The following MYO10 variants were observed in gnomAD, a reference collection of about 807,000 sequenced individuals.
MYO10 encodes the protein unconventional myosin-X.
Under a neutral mutation model 257.3 loss-of-function variants are expected in MYO10, and 133 were observed. The ratio of observed to expected loss-of-function variants is 0.52; its 90% CI spans 0.45 to 0.60. The LOEUF is 0.60. MYO10 is among the 20% of genes least tolerant of loss of function. The pLI, the probability that MYO10 is intolerant of heterozygous loss-of-function variation, is 0.00. For missense variants in MYO10, 2,399 were observed against 2,635.7 expected, an observed-to-expected ratio of 0.91 and a Z score of 1.97; for synonymous variants, 1,104 against 1,028.6, an observed-to-expected ratio of 1.07 and a Z score of -1.40.
chr5:16,864,476 T>C (rs902070986), intron 2 of MYO10, among the ~76,000 whole-genome samples: 2 of 152,160 alleles, frequency 1.3e-5, no homozygotes, highest in Non-Finnish European at 2.9e-5. Flanking sequence ...ATACACACCT[T>C]GTATTCAGAG....
chr5:16,774,444 C>T (rs1207564658), intron 9 of MYO10, among the ~76,000 whole-genome samples: 2 of 152,012 alleles, frequency 1.3e-5, no homozygotes, highest in East Asian at 1.9e-4. Context: ...TTTTTTGAGA[C>T]GGAGTCTCAC....
At chr5:16,897,164 T>TATTTG (rs1216406317) in intron 1 of MYO10, among the ~76,000 whole-genome samples, 2 of 152,196 alleles carry the variant, frequency 1.3e-5, no homozygotes, top group Non-Finnish European at 2.9e-5. Context: ...GCAATTCAAG[T>TATTTG]ATTTGTTTTG....
intron 3 of MYO10, among the ~76,000 whole-genome samples, chr5:16,802,762 A>T (rs1742158516): frequency 6.6e-6 from 1 of 152,234 alleles, no homozygotes; most frequent in Non-Finnish European, 1.5e-5. Flanking sequence ...AAGAGAGATT[A>T]AAAACAAGCA....
chr5:16,841,145 CA>C (rs76124360), intron 2 of MYO10, among the ~76,000 whole-genome samples: 3,031 of 94,376 alleles, frequency 0.032, 37 homozygotes, highest in Non-Finnish European at 0.046. Flanking sequence ...AAATGCATCT[CA>C]AAAAAAAAAA....
Position 16,911,241 on chromosome 5 carries a change from C to T in MYO10, c.21+24547G>A, listed in dbSNP as rs142649308. Among the ~76,000 whole-genome samples, 217 of 152,322 alleles carry T rather than the reference C, an allele frequency of 1.4e-3. 1 individual carries two copies. The highest frequency in any genetic ancestry group is 6.8e-3 in the Middle Eastern group (2 of 294). ...AGATACCACCCTCTCAAAACTACTT[C>T]ACAATAAATATTTTTTGGAAGCAAG... is the stretch of plus-strand genomic sequence containing the variant. On this transcript the variant is annotated intron_variant, in intron 1 of 40. Transcript: ENST00000513610.
At position 16,869,444 on chromosome 5, in the gene MYO10, T is replaced by C. The variant is rs573889536; in HGVS notation, c.120+8165A>G. On this transcript the variant is annotated intron_variant, in intron 2 of 40. Coordinates refer to ENST00000513610, the MANE Select transcript of MYO10 (RefSeq NM_012334.3). ...TCCAGAAAAAATTTTTCAGGCATGG[T>C]GCACCCCTGTAGTCCTAGCTACTCA... Among the ~76,000 whole-genome samples the C allele has an allele frequency of 7.0e-4, 106 of 152,046 alleles. No individual in the cohort carries two copies. The Middle Eastern group carries it at 0.01, about 15-fold the overall frequency.
At chr5:16,759,552 G>T (rs1009739195) in intron 17 of MYO10, among the ~76,000 whole-genome samples, 2 of 152,090 alleles carry the variant, frequency 1.3e-5, no homozygotes, top group Non-Finnish European at 2.9e-5. Context: ...CCAGCTCCTC[G>T]GTTTGCAAGG....
At position 16,681,977 on chromosome 5, in the gene MYO10, C is replaced by T. The variant is rs763607939; in HGVS notation, c.4083G>A (p.Val1361=). 4 of 1,613,754 alleles carry T rather than the reference C, an allele frequency of 2.5e-6. No individual in the cohort carries two copies. The Admixed American group carries it at 5.0e-5, about 20-fold the overall frequency. The change falls in exon 31 of 41, where the codon GTG becomes GTA. Residue 1361 remains valine, a synonymous_variant. Transcript: ENST00000513610. ...NSFVIITANR[V]LHCNADTPEE... ...CCGGCGTGTCGGCGTTGCAGTGCAGCACCCGGTTGGCCGTGATGATCACAA... is the reference window on the plus strand; with the variant it reads ...CCGGCGTGTCGGCGTTGCAGTGCAGTACCCGGTTGGCCGTGATGATCACAA...
At chr5:16,718,441 A>C (rs1016004679) in intron 19 of MYO10, among the ~76,000 whole-genome samples, 24 of 151,232 alleles carry the variant, frequency 1.6e-4, no homozygotes, top group Admixed American at 4.6e-4. Context: ...CGTGGAGAGT[A>C]TTTATATCTA....
At chr5:16,904,097 G>A (rs984368213) in intron 1 of MYO10, among the ~76,000 whole-genome samples, 2 of 142,736 alleles carry the variant, frequency 1.4e-5, no homozygotes, top group Non-Finnish European at 3.0e-5. Context: ...GCTGAAGGTT[G>A]ACCAGTAACC....
Position 16,807,492 on chromosome 5 carries a change from G to A in MYO10, c.279+10517C>T, listed in dbSNP as rs151027141. Among the ~76,000 whole-genome samples, 422 of 152,130 alleles carry A rather than the reference G, an allele frequency of 2.8e-3. 1 individual carries two copies. The highest frequency in any genetic ancestry group is 4.8e-3 in the Admixed American group (74 of 15,260). On this transcript the variant is annotated intron_variant, in intron 3 of 40. Transcript: ENST00000513610. ...ATCCACCACCCTGTGACCAAGTGAC[G>A]CTTCCCCAAAACGCATGCTTAAAGT... is the stretch of plus-strand genomic sequence containing the variant.
chr5:16,857,734 C>A (rs1295408292), intron 2 of MYO10, among the ~76,000 whole-genome samples: 19 of 152,194 alleles, frequency 1.2e-4, no homozygotes, highest in Non-Finnish European at 1.5e-5. Context: ...GAGCAAGGAA[C>A]CTCCTCTCAC....
At chr5:16,892,916 C>T (rs186801929) in intron 1 of MYO10, among the ~76,000 whole-genome samples, 7 of 152,150 alleles carry the variant, frequency 4.6e-5, no homozygotes, top group Non-Finnish European at 1.0e-4. Flanking sequence ...AACTTACAGG[C>T]CAGGCACGGT....
chr5:16,932,739 C>T (rs537696902), intron 1 of MYO10, among the ~76,000 whole-genome samples: 3 of 152,170 alleles, frequency 2.0e-5, no homozygotes, highest in South Asian at 4.2e-4. Context: ...TTCCCCCTGG[C>T]GCGCAGTAAG....
intron 19 of MYO10, among the ~76,000 whole-genome samples, chr5:16,745,708 A>G (rs892620518): frequency 2.0e-5 from 3 of 152,284 alleles, no homozygotes; most frequent in Admixed American, 6.5e-5. Flanking sequence ...AAAAATTAAA[A>G]TTAAAAAATT....
intron 5 of MYO10, among the ~76,000 whole-genome samples, chr5:16,782,660 G>A (rs1741456844): frequency 6.6e-6 from 1 of 152,162 alleles, no homozygotes; most frequent in Non-Finnish European, 1.5e-5. Flanking sequence ...CGAGGCTGTG[G>A]TTTGCCGACC....
chr5:16,767,955 G>C (rs1359273819), intron 10 of MYO10, among the ~76,000 whole-genome samples: 1 of 152,120 alleles, frequency 6.6e-6, no homozygotes, highest in Admixed American at 6.6e-5. Context: ...TAGGATTACA[G>C]GCATGGGCCA....
intron 17 of MYO10, among the ~76,000 whole-genome samples, chr5:16,759,919 G>A (rs1407626560): frequency 6.6e-6 from 1 of 152,062 alleles, no homozygotes; most frequent in African/African-American, 2.4e-5. Flanking sequence ...TTTCTAGGCT[G>A]ATACTACCTT....
intron 11 of MYO10, 57 bp downstream of exon 11, chr5:16,766,023 G>T: frequency 8.2e-7 from 1 of 1,226,538 alleles, no homozygotes; most frequent in Non-Finnish European, 1.2e-6. Flanking sequence ...CAAACCTATG[G>T]ATCTGAAAAC....
Sources: gnomAD v4.1 joint callset for allele counts (sites outside exome capture counted in the v4.1 genomes callset) on GRCh38, gnomAD v4.1.1 for gene constraint, MANE v1.5 for transcripts, NCBI Gene and HGNC (gene_info 2026-07-23, HGNC 2026-07-21) for gene names.